C1QTNF3: variants seen among roughly 807,000 people sequenced by gnomAD.
C1QTNF3 encodes complement C1q tumor necrosis factor-related protein 3.
In C1QTNF3, 26 loss-of-function variants were observed where a neutral mutation model predicts 32.6. That is an observed-to-expected ratio of 0.80 (90% CI 0.58 to 1.11). The LOEUF is 1.11. Ranked by LOEUF, C1QTNF3 falls within the 50% of genes least tolerant of loss-of-function variation. The pLI is 0.00. For synonymous variants in C1QTNF3, 155 were observed against 146.0 expected (o/e 1.06, Z -0.44); for missense variants, 362 against 398.2 (o/e 0.91, Z 0.77).
At position 34,042,903 on chromosome 5, in the gene C1QTNF3, C is replaced by A. The variant is rs768399020; in HGVS notation, c.223G>T (p.Asp75Tyr). 3 of 1,614,182 alleles carry A rather than the reference C, an allele frequency of 1.9e-6. No homozygotes were observed. The highest frequency in any genetic ancestry group is 8.5e-7 in the Non-Finnish European group (1 of 1,180,034). ...TGTVDNNTST[D>Y]LKSLRPDELP... ...TCATCTGGTCTCAGGGATTTTAGGT[C>A]TGTAGAAGTGTTATTATCCACAGTC... The change falls in exon 1 of 6, where the codon GAC (aspartate) becomes TAC (tyrosine). Residue 75 changes from aspartate (D) to tyrosine (Y), a missense_variant. Coordinates refer to ENST00000382065, the MANE Select transcript of C1QTNF3 (RefSeq NM_181435.6).
the C1QTNF3 span, among the ~76,000 whole-genome samples, chr5:34,210,652 T>C: frequency 3.3e-5 from 5 of 152,070 alleles, no homozygotes; most frequent in Non-Finnish European, 7.4e-5. Context: ...TGCCATTGGA[T>C]AGAAGACAGA....
chr5:34,145,788 T>A, the C1QTNF3 span, among the ~76,000 whole-genome samples: 3 of 150,128 alleles, frequency 2.0e-5, no homozygotes, highest in Admixed American at 2.0e-4. Context: ...CAGCAGCACA[T>A]CAAAAAATTA....
the C1QTNF3 span, among the ~76,000 whole-genome samples, chr5:34,057,615 C>G: frequency 2.0e-5 from 3 of 152,148 alleles, no homozygotes; most frequent in African/African-American, 7.2e-5. Flanking sequence ...ACCTTTCAAC[C>G]GTTCTAGAAT....
chr5:34,143,107 G>C, the C1QTNF3 span, among the ~76,000 whole-genome samples: 67 of 152,284 alleles, frequency 4.4e-4, no homozygotes, highest in African/African-American at 1.6e-3. Flanking sequence ...AACTTCTAGA[G>C]CTCAAAAATT....
the C1QTNF3 span, among the ~76,000 whole-genome samples, chr5:34,177,201 T>C: frequency 3.9e-5 from 6 of 152,144 alleles, no homozygotes; most frequent in Non-Finnish European, 8.8e-5. Context: ...AAAAATTTTT[T>C]TAAATTAAAC....
the C1QTNF3 span, among the ~76,000 whole-genome samples, chr5:34,089,201 C>T: frequency 6.6e-6 from 1 of 152,120 alleles, no homozygotes; most frequent in Non-Finnish European, 1.5e-5. Context: ...TTTGCAAACT[C>T]ATTAACAGAA....
chr5:34,059,888 A>T, the C1QTNF3 span, among the ~76,000 whole-genome samples: 1 of 152,124 alleles, frequency 6.6e-6, no homozygotes, highest in Non-Finnish European at 1.5e-5. Context: ...CCCTGGCCCT[A>T]CTATGTGCTG....
At chr5:34,069,730 T>C in the C1QTNF3 span, among the ~76,000 whole-genome samples, 1 of 152,204 alleles carries the variant, frequency 6.6e-6, no homozygotes, top group African/African-American at 2.4e-5. Context: ...TAGATATTCA[T>C]ACAGACATAG....
the C1QTNF3 span, among the ~76,000 whole-genome samples, chr5:34,196,740 A>G: frequency 1.4e-5 from 2 of 144,422 alleles, no homozygotes; most frequent in South Asian, 4.3e-4. Context: ...GCTCACTGCA[A>G]ACTCTGCCTC....
Position 34,020,538 on chromosome 5 carries a change from T to C in C1QTNF3, c.*45A>G. The C allele has an allele frequency of 6.3e-7, 1 of 1,590,796 alleles. No homozygotes were observed. The highest frequency in any genetic ancestry group is 8.6e-7 in the Non-Finnish European group (1 of 1,163,572). On this transcript the variant is annotated 3_prime_UTR_variant, in exon 6 of 6. Transcript: ENST00000382065. ...GTTCCTCAGATCGTAACAAATCAGCTCAGCTACAAGTCTTCCCCAAAGTGG... is the reference window on the plus strand; with the variant it reads ...GTTCCTCAGATCGTAACAAATCAGCCCAGCTACAAGTCTTCCCCAAAGTGG...
At chr5:34,134,823 T>C in the C1QTNF3 span, among the ~76,000 whole-genome samples, 97,171 of 151,936 alleles carry the variant, frequency 0.64, 31,349 homozygotes, top group African/African-American at 0.66. Context: ...AGATTTTGGG[T>C]GGAGACGATG....
At position 34,023,926 on chromosome 5, in the gene C1QTNF3, T is replaced by G; in HGVS notation, c.783A>C (p.Thr261=). 6.2e-7 allele frequency: 1 copy of G among 1,614,040 alleles called. No homozygotes were observed. Among genetic ancestry groups the G allele is most frequent in the Non-Finnish European group, 8.5e-7 (1 of 1,179,890 alleles). ...CCACCCACCTGTACATGCTGAAGAC[T>G]GTGTTGCCATTGTGCATAAGGTACA... ...VYVYLMHNGN[T]VFSMYSYEMK... Residue 261 remains threonine (T), a synonymous_variant, in exon 5 of 6, where the codon ACA becomes ACC. Coordinates refer to ENST00000382065, the MANE Select transcript of C1QTNF3 (RefSeq NM_181435.6).
the C1QTNF3 span, among the ~76,000 whole-genome samples, chr5:34,065,038 C>A: frequency 2.6e-5 from 4 of 152,088 alleles, no homozygotes; most frequent in Non-Finnish European, 1.5e-5. Flanking sequence ...ATAAAAACGA[C>A]AAGTAGGTCC....
chr5:34,184,816 A>C, the C1QTNF3 span, among the ~76,000 whole-genome samples: 760 of 151,910 alleles, frequency 5.0e-3, no homozygotes, highest in African/African-American at 0.018. Context: ...GATCCTTAGG[A>C]GGGTTTGAGA....
chr5:34,109,390 C>T, the C1QTNF3 span, among the ~76,000 whole-genome samples: 1 of 151,990 alleles, frequency 6.6e-6, no homozygotes, highest in African/African-American at 2.4e-5. Context: ...TAGCTTCTTC[C>T]TTATCCTTTT....
the C1QTNF3 span, among the ~76,000 whole-genome samples, chr5:34,053,467 G>A: frequency 6.6e-6 from 1 of 152,328 alleles, no homozygotes; most frequent in Middle Eastern, 3.4e-3. Flanking sequence ...ATCTTTCAGA[G>A]CCATTTGCCT....
the C1QTNF3 span, chr5:34,239,379 T>C: frequency 6.6e-6 from 1 of 152,198 alleles, no homozygotes; most frequent in African/African-American, 2.4e-5. Flanking sequence ...GCTCACCATC[T>C]GTAGTCTTCA....
chr5:34,055,958 C>T, the C1QTNF3 span, among the ~76,000 whole-genome samples: 2 of 152,202 alleles, frequency 1.3e-5, no homozygotes, highest in African/African-American at 4.8e-5. Context: ...TGGACCCTCT[C>T]TTTAGATGGC....
the C1QTNF3 span, among the ~76,000 whole-genome samples, chr5:34,075,591 C>T: frequency 6.6e-6 from 1 of 151,200 alleles, no homozygotes; most frequent in Non-Finnish European, 1.5e-5. Flanking sequence ...TAGGAAATGA[C>T]AAATGTTAGA....
Sources: gnomAD v4.1 joint callset for allele counts (sites outside exome capture counted in the v4.1 genomes callset) on GRCh38, gnomAD v4.1.1 for gene constraint, MANE v1.5 for transcripts, NCBI Gene and HGNC (gene_info 2026-07-23, HGNC 2026-07-21) for gene names.